Variants in SKAP1 observed in about 807,000 individuals in gnomAD.
SKAP1 encodes src kinase associated phosphoprotein 1.
Under a neutral mutation model 58.5 loss-of-function variants are expected in SKAP1, and 44 were observed. The ratio of observed to expected loss-of-function variants is 0.75; its 90% confidence interval spans 0.59 to 0.97. The LOEUF (loss-of-function observed/expected upper bound fraction) is 0.97. Among genes scored for constraint, SKAP1 ranks in the 50% least tolerant of loss-of-function variants. The pLI is 0.00. For missense variants in SKAP1, 390 were observed against 435.2 expected, an observed-to-expected ratio of 0.90 and a Z score of 0.92; for synonymous variants, 127 against 149.7, an observed-to-expected ratio of 0.85 and a Z score of 1.11.
At chr17:48,301,492 G>A (rs1298330026) in intron 4 of SKAP1, among the ~76,000 whole-genome samples, 3 of 151,840 alleles carry the variant, frequency 2.0e-5, no homozygotes, top group African/African-American at 7.3e-5. Flanking sequence ...ATGGAGTCTC[G>A]CTCTGTCACC....
intron 2 of SKAP1, among the ~76,000 whole-genome samples, chr17:48,383,881 G>T (rs939965128): frequency 6.6e-6 from 1 of 151,664 alleles, no homozygotes; most frequent in Non-Finnish European, 1.5e-5. Flanking sequence ...CATCATGCCC[G>T]GCTAATTTTT....
chr17:48,370,028 T>A (rs7217025), intron 2 of SKAP1, among the ~76,000 whole-genome samples: 50,755 of 152,052 alleles, frequency 0.33, 9,166 homozygotes, highest in African/African-American at 0.47. Context: ...GATGAAATGA[T>A]GACTATAATA....
intron 10 of SKAP1, among the ~76,000 whole-genome samples, chr17:48,169,490 A>G (rs925068891): frequency 6.6e-6 from 1 of 152,196 alleles, no homozygotes; most frequent in Non-Finnish European, 1.5e-5. Context: ...ACCTAATCAC[A>G]TGTGTTCACT....
At chr17:48,326,615 T>A (rs893117078) in intron 4 of SKAP1, among the ~76,000 whole-genome samples, 5 of 152,234 alleles carry the variant, frequency 3.3e-5, no homozygotes, top group Non-Finnish European at 7.3e-5. Context: ...TTTCCTTTTA[T>A]GTTTGAAAAC....
chr17:48,270,840 G>T (rs200578548), intron 4 of SKAP1, among the ~76,000 whole-genome samples: 2 of 151,750 alleles, frequency 1.3e-5, no homozygotes, highest in East Asian at 3.9e-4. Flanking sequence ...CCCACTGATG[G>T]ATACATAGGT....
At chr17:48,186,750 G>A (rs1030761872) in intron 6 of SKAP1, among the ~76,000 whole-genome samples, 7 of 152,138 alleles carry the variant, frequency 4.6e-5, no homozygotes, top group African/African-American at 1.2e-4. Flanking sequence ...GATTACAGGC[G>A]TGAGCCACTG....
intron 1 of SKAP1, among the ~76,000 whole-genome samples, chr17:48,407,695 A>T (rs976055268): frequency 2.6e-5 from 4 of 152,118 alleles, no homozygotes; most frequent in Admixed American, 2.6e-4. Flanking sequence ...TCCACAGAAA[A>T]ATACAAAAAT....
intron 4 of SKAP1, among the ~76,000 whole-genome samples, chr17:48,266,887 A>G (rs980637228): frequency 5.9e-5 from 9 of 152,056 alleles, no homozygotes; most frequent in Non-Finnish European, 1.3e-4. Context: ...ATTACTAGAG[A>G]GAATTATTGG....
chr17:48,441,215 G>A, the SKAP1 span, among the ~76,000 whole-genome samples: 2 of 152,192 alleles, frequency 1.3e-5, no homozygotes, highest in Non-Finnish European at 2.9e-5. Flanking sequence ...TGGTCCATAA[G>A]ATTCCCCTTG....
intron 4 of SKAP1, among the ~76,000 whole-genome samples, chr17:48,291,995 G>A (rs1434170519): frequency 6.6e-6 from 1 of 152,028 alleles, no homozygotes; most frequent in African/African-American, 2.4e-5. Flanking sequence ...TAGCAATAGG[G>A]CAAGTATCTA....
chr17:48,171,665 C>G (rs1276414985), intron 9 of SKAP1, among the ~76,000 whole-genome samples: 1 of 151,996 alleles, frequency 6.6e-6, no homozygotes, highest in East Asian at 1.9e-4. Context: ...CTCTGGAATT[C>G]TCTTCAAAAT....
chr17:48,323,368 C>A (rs1452792906), intron 4 of SKAP1, among the ~76,000 whole-genome samples: 2 of 151,960 alleles, frequency 1.3e-5, no homozygotes, highest in Non-Finnish European at 2.9e-5. Flanking sequence ...AAATTTTATT[C>A]ACAGAGTCCA....
intron 4 of SKAP1, among the ~76,000 whole-genome samples, chr17:48,343,110 G>A (rs1039840): frequency 0.17 from 26,228 of 152,002 alleles, 2,321 homozygotes; most frequent in Non-Finnish European, 0.19. Context: ...TTCCCAGTGA[G>A]ATGGTAAGCT....
intron 4 of SKAP1, among the ~76,000 whole-genome samples, chr17:48,274,695 T>C (rs2144004209): frequency 7.9e-6 from 1 of 126,174 alleles, no homozygotes. Flanking sequence ...AAACTCCTTC[T>C]CAAAAAAAAA....
chr17:48,141,415 G>A (rs2063766837), intron 11 of SKAP1, among the ~76,000 whole-genome samples: 1 of 151,880 alleles, frequency 6.6e-6, no homozygotes, highest in Non-Finnish European at 1.5e-5. Context: ...CATAGCCCCT[G>A]TTGCCCAGTC....
At chr17:48,284,820 T>A (rs2065810575) in intron 4 of SKAP1, among the ~76,000 whole-genome samples, 1 of 152,172 alleles carries the variant, frequency 6.6e-6, no homozygotes, top group Admixed American at 6.5e-5. Context: ...GGTGGAGACA[T>A]ACATGGTAAG....
chr17:48,360,551 A>AT (rs1034188570), intron 3 of SKAP1, among the ~76,000 whole-genome samples: 24 of 152,040 alleles, frequency 1.6e-4, no homozygotes, highest in Middle Eastern at 3.4e-3. Context: ...TTAAGTAGAA[A>AT]TTTTTTTTGA....
intron 1 of SKAP1, among the ~76,000 whole-genome samples, chr17:48,409,117 A>G (rs1340080848): frequency 6.6e-6 from 1 of 152,236 alleles, no homozygotes; most frequent in Non-Finnish European, 1.5e-5. Flanking sequence ...CTGGGTAAAG[A>G]AACTTGCTCC....
At chr17:48,266,119 C>T (rs548583912) in intron 4 of SKAP1, among the ~76,000 whole-genome samples, 7 of 152,084 alleles carry the variant, frequency 4.6e-5, no homozygotes, top group African/African-American at 1.7e-4. Flanking sequence ...ATAATCTAAA[C>T]ACACACCCAC....
Sources: gnomAD v4.1 joint callset for allele counts (sites outside exome capture counted in the v4.1 genomes callset) on GRCh38, gnomAD v4.1.1 for gene constraint, MANE v1.5 for transcripts, NCBI Gene and HGNC (gene_info 2026-07-23, HGNC 2026-07-21) for gene names.